Variants in RSBN1L observed in about 807,000 individuals in gnomAD.
RSBN1L encodes round spermatid basic protein 1 like.
In RSBN1L, 30 loss-of-function variants were observed where a neutral mutation model predicts 67.7. The ratio of observed to expected loss-of-function variants is 0.44; its 90% confidence interval spans 0.33 to 0.60. The LOEUF is 0.60. RSBN1L is among the 20% of genes least tolerant of loss of function. The pLI, the probability that RSBN1L is intolerant of heterozygous loss-of-function variation, is 0.02. For missense variants in RSBN1L, 992 were observed against 1,031.7 expected (o/e 0.96, Z 0.53); for synonymous variants, 433 against 387.0 (o/e 1.12, Z -1.39).
At chr7:77,712,364 C>T (rs567077722) in intron 1 of RSBN1L, among the ~76,000 whole-genome samples, 1 of 151,592 alleles carries the variant, frequency 6.6e-6, no homozygotes, top group Non-Finnish European at 1.5e-5. Flanking sequence ...CTCACTGCAA[C>T]CTCCACTCCA....
chr7:77,706,662 G>A (rs1790897294), intron 1 of RSBN1L, among the ~76,000 whole-genome samples: 1 of 152,112 alleles, frequency 6.6e-6, no homozygotes, highest in Admixed American at 6.5e-5. Context: ...TTAAAATTTG[G>A]CAATCTATTT....
intron 3 of RSBN1L, among the ~76,000 whole-genome samples, chr7:77,757,340 A>G (rs541365863): frequency 1.3e-5 from 2 of 152,272 alleles, no homozygotes; most frequent in East Asian, 3.9e-4. Context: ...GTATCCTTGC[A>G]GGTTGCCTGA....
intron 2 of RSBN1L, among the ~76,000 whole-genome samples, chr7:77,737,788 C>T (rs1374559025): frequency 1.3e-5 from 2 of 151,998 alleles, no homozygotes; most frequent in Non-Finnish European, 2.9e-5. Context: ...TTTGGGAGGC[C>T]GAGGCGGGTG....
intron 1 of RSBN1L, among the ~76,000 whole-genome samples, chr7:77,722,696 T>C (rs1235274570): frequency 6.6e-6 from 1 of 152,136 alleles, no homozygotes; most frequent in East Asian, 1.9e-4. Flanking sequence ...TACATTTCTC[T>C]TCTTCTGCCG....
intron 6 of RSBN1L, among the ~76,000 whole-genome samples, chr7:77,776,798 A>G (rs891821640): frequency 5.9e-5 from 9 of 151,724 alleles, no homozygotes; most frequent in African/African-American, 2.2e-4. Context: ...GTATGTCTAT[A>G]TTATTGTTAC....
intron 3 of RSBN1L, among the ~76,000 whole-genome samples, chr7:77,754,255 A>G (rs1216995364): frequency 1.3e-5 from 2 of 152,082 alleles, no homozygotes; most frequent in East Asian, 3.9e-4. Context: ...GTTCTTCAAG[A>G]TTTCCTTGGC....
At chr7:77,746,615 A>G (rs1478495961) in intron 2 of RSBN1L, among the ~76,000 whole-genome samples, 2 of 152,142 alleles carry the variant, frequency 1.3e-5, no homozygotes, top group East Asian at 3.9e-4. Flanking sequence ...GTCCCCCCAA[A>G]TCTTAACTCA....
chr7:77,779,816 C>CTTTTTTTTT lies in RSBN1L; in HGVS notation c.*654_*662dup, dbSNP rs750541557. On this transcript the variant is annotated 3_prime_UTR_variant, in exon 8 of 8. Transcript: ENST00000334955. ...ATTTAAGTTCCTCACACTGTGCAGG[C>CTTTTTTTTT]TTTTTTTTTTTTTTCTTTTTTTCTT... 3 of 132,960 alleles carry CTTTTTTTTT rather than the reference C, an allele frequency of 2.3e-5. No homozygotes were observed. Among genetic ancestry groups the CTTTTTTTTT allele is most frequent in the African/African-American group, 5.5e-5 (2 of 36,388 alleles). The allele number at this position is 132,960 out of a possible 1,614,324, so 8.2% of individuals were successfully genotyped here.
chr7:77,736,867 G>GT (rs1190472474), intron 2 of RSBN1L, among the ~76,000 whole-genome samples: 15 of 152,146 alleles, frequency 9.9e-5, no homozygotes, highest in Admixed American at 2.0e-4. Context: ...GCCAAAGCAA[G>GT]TTTTAGTATG....
intron 1 of RSBN1L, among the ~76,000 whole-genome samples, chr7:77,708,395 T>TA (rs1790923562): frequency 6.6e-6 from 1 of 151,690 alleles, no homozygotes; most frequent in African/African-American, 2.4e-5. Flanking sequence ...ATTTTTTTTT[T>TA]TTTTTGAGAT....
At chr7:77,709,358 TG>T (rs1790942309) in intron 1 of RSBN1L, among the ~76,000 whole-genome samples, 1 of 151,984 alleles carries the variant, frequency 6.6e-6, no homozygotes, top group Non-Finnish European at 1.5e-5. Flanking sequence ...GGCACAATCT[TG>T]GCTCACTGCA....
At chr7:77,706,487 A>T (rs1314418288) in intron 1 of RSBN1L, among the ~76,000 whole-genome samples, 2 of 152,246 alleles carry the variant, frequency 1.3e-5, no homozygotes, top group Non-Finnish European at 2.9e-5. Context: ...CTGAGATTAC[A>T]GGTGTGAACC....
At chr7:77,747,735 C>G (rs1377758954) in intron 2 of RSBN1L, among the ~76,000 whole-genome samples, 2 of 152,196 alleles carry the variant, frequency 1.3e-5, no homozygotes, top group Non-Finnish European at 2.9e-5. Flanking sequence ...TCCACATTGT[C>G]AGATGTCTTT....
chr7:77,765,316 T>C (rs1399039776), intron 3 of RSBN1L, among the ~76,000 whole-genome samples, 179 bp from the exon 4 acceptor site: 1 of 152,262 alleles, frequency 6.6e-6, no homozygotes, highest in East Asian at 1.9e-4. Flanking sequence ...AAATGCCTTA[T>C]CTGTTACTGT....
intron 2 of RSBN1L, among the ~76,000 whole-genome samples, chr7:77,739,681 C>T (rs868775650): frequency 2.3e-5 from 3 of 128,908 alleles, no homozygotes; most frequent in Admixed American, 8.4e-5. Context: ...TGCACTCCAG[C>T]CTGGGTGACA....
chr7:77,722,848 A>C (rs748838043), intron 1 of RSBN1L, among the ~76,000 whole-genome samples: 1 of 151,872 alleles, frequency 6.6e-6, no homozygotes, highest in Non-Finnish European at 1.5e-5. Flanking sequence ...ATTATGGCTC[A>C]TGGCTCATAT....
At chr7:77,768,354 C>T (rs767997826) in intron 4 of RSBN1L, 17 of 199,794 alleles carry the variant, frequency 8.5e-5, no homozygotes, top group Non-Finnish European at 1.4e-4. Context: ...TTATTTAGTC[C>T]GTTAACATCA....
chr7:77,744,631 T>G (rs1261906425), intron 2 of RSBN1L, among the ~76,000 whole-genome samples: 2 of 151,720 alleles, frequency 1.3e-5, no homozygotes, highest in Non-Finnish European at 2.9e-5. Flanking sequence ...TTGGCCAGGC[T>G]GGTCTCGAAC....
chr7:77,764,066 G>A (rs1791731005), intron 3 of RSBN1L, among the ~76,000 whole-genome samples: 1 of 152,208 alleles, frequency 6.6e-6, no homozygotes, highest in Non-Finnish European at 1.5e-5. Flanking sequence ...AGCTATGATT[G>A]TAAGGATTCA....
Sources: gnomAD v4.1 joint callset for allele counts (sites outside exome capture counted in the v4.1 genomes callset) on GRCh38, gnomAD v4.1.1 for gene constraint, MANE v1.5 for transcripts, NCBI Gene and HGNC (gene_info 2026-07-23, HGNC 2026-07-21) for gene names.